The following FNTB variants were observed in gnomAD, a reference collection of about 807,000 sequenced individuals.
FNTB encodes the protein farnesyltransferase, CAAX box, subunit beta.
A neutral mutation model predicts 59.4 loss-of-function variants in FNTB; 27 were observed. The ratio of observed to expected loss-of-function variants is 0.45; its 90% CI spans 0.34 to 0.63. The LOEUF (loss-of-function observed/expected upper bound fraction) is 0.63. FNTB is among the 20% of genes least tolerant of loss of function. The probability of loss-of-function intolerance (pLI) is 0.02; values close to 1 mark genes in which losing one functional copy is unlikely to be tolerated. For synonymous variants in FNTB, 230 were observed against 220.7 expected, an observed-to-expected ratio of 1.04 and a Z score of -0.37; for missense variants, 449 against 559.6, an observed-to-expected ratio of 0.80 and a Z score of 1.99.
In FNTB at chr14:65,018,537, C is replaced by T. The variant is rs566478462; in HGVS notation, c.374+2821C>T. On this transcript the variant is annotated intron_variant, in intron 4 of 11. Transcript: ENST00000246166. ...TTTTATAAACTTTCTGGGCTGGGCACGGTGTCTCACACCTGTAATCCCAGG... is the reference window on the plus strand; with the variant it reads ...TTTTATAAACTTTCTGGGCTGGGCATGGTGTCTCACACCTGTAATCCCAGG... Among the ~76,000 whole-genome samples, 11 of 152,238 alleles carry T rather than the reference C, an allele frequency of 7.2e-5. No homozygotes were observed. The South Asian group carries it at 2.3e-3, about 32-fold the overall frequency.
At chr14:65,017,433 G>T (rs2061797128) in intron 4 of FNTB, among the ~76,000 whole-genome samples, 1 of 152,124 alleles carries the variant, frequency 6.6e-6, no homozygotes, top group Non-Finnish European at 1.5e-5. Flanking sequence ...TGAAAAACTG[G>T]AAGAGAGAAT....
intron 7 of FNTB, among the ~76,000 whole-genome samples, chr14:65,033,523 T>A (rs1378719857): frequency 1.3e-5 from 2 of 152,208 alleles, no homozygotes; most frequent in Non-Finnish European, 2.9e-5. Flanking sequence ...TTCTATATTT[T>A]GTTTGCTGTA....
At chr14:65,058,930 A>G (rs2062802113) in intron 11 of FNTB, among the ~76,000 whole-genome samples, 1 of 152,236 alleles carries the variant, frequency 6.6e-6, no homozygotes, top group South Asian at 2.1e-4. Flanking sequence ...TTGATCTAAA[A>G]TTTTATTGTA....
In FNTB at chr14:65,023,643, C is replaced by G. The variant is rs1340575837; in HGVS notation, c.375-3810C>G. On this transcript the variant is annotated intron_variant, in intron 4 of 11. Coordinates refer to ENST00000246166, the MANE Select transcript of FNTB (RefSeq NM_002028.4). The surrounding 1 kb of genome is among the most constrained non-coding windows in gnomAD (Gnocchi z 4.1). ...TAGTTGTGGAGTACTTGAAATGTGT[C>G]TTGTGTGACTGAAGAGCTGAATTTT... Among the ~76,000 whole-genome samples, 1 of 152,254 alleles carries G rather than the reference C, an allele frequency of 6.6e-6. No homozygotes were observed. The highest frequency in any genetic ancestry group is 6.5e-5 in the Admixed American group (1 of 15,294).
chr14:65,053,414 A>T, intron 10 of FNTB, 65 bp downstream of exon 10: 1 of 1,237,918 alleles, frequency 8.1e-7, no homozygotes, highest in Non-Finnish European at 1.0e-6. Context: ...CGTGCACCTC[A>T]GGCCTACTCA....
rs1363650216 is a variant in FNTB at position 65,053,354 on chromosome 14, G to A, written c.1067+5G>A. On this transcript the variant is annotated splice_donor_5th_base_variant and intron_variant, in intron 10 of 11. Transcript: ENST00000246166. ...GCTTCTGGATAAACCTGGCAAGTGA[G>A]TGTTTTCTCTCTGGGGAGGGAAGGG... is the stretch of plus-strand genomic sequence containing the variant. 1.4e-6 allele frequency: 2 copies of A among 1,418,920 alleles called. No homozygotes were observed. Among genetic ancestry groups the A allele is most frequent in the African/African-American group, 1.5e-5 (1 of 67,984 alleles). 87.9% of individuals were successfully genotyped at this position (1,418,920 alleles called of 1,614,324 possible).
At position 65,061,279 on chromosome 14, in the gene FNTB, G is replaced by C. The variant is rs763703014; in HGVS notation, c.1281G>C (p.Lys427Asn). The C allele has an allele frequency of 1.2e-6, 2 of 1,614,134 alleles. No individual in the cohort carries two copies. The highest frequency in any genetic ancestry group is 2.2e-5 in the East Asian group (1 of 44,884). The change falls in exon 12 of 12, where the codon AAG (lysine) becomes AAC (asparagine). Residue 427 changes from lysine (K) to asparagine (N), a missense_variant. Around this residue, in one of 2 missense-constraint regions of FNTB, gnomAD observed 337 missense variants for 479.1 expected, o/e 0.70. Transcript: ENST00000246166. ...CAGTCCCAGGTTTTGAGGAGCTTAA[G>C]GATGAGACATCGGCAGAGCCTGCAA... is the stretch of plus-strand genomic sequence containing the variant. ...QKPVPGFEELKDETSAEPATD is the reference protein window; with the variant it reads ...QKPVPGFEELNDETSAEPATD
intron 1 of FNTB, among the ~76,000 whole-genome samples, chr14:64,993,921 TCTCCA>T (rs1356069090): frequency 1.2e-4 from 18 of 152,072 alleles, no homozygotes; most frequent in African/African-American, 3.9e-4. Context: ...AGTGGTGCGA[TCTCCA>T]CTCACCGTAA....
chr14:65,046,468 AG>A (rs1318387610), intron 9 of FNTB, among the ~76,000 whole-genome samples: 2 of 152,338 alleles, frequency 1.3e-5, no homozygotes, highest in South Asian at 4.1e-4. Flanking sequence ...AAAGTCTTCC[AG>A]GGGGGCTGCT....
intron 7 of FNTB, among the ~76,000 whole-genome samples, chr14:65,034,748 T>C (rs2062152541): frequency 6.6e-6 from 1 of 152,240 alleles, no homozygotes; most frequent in African/African-American, 2.4e-5. Flanking sequence ...TTATAATGTC[T>C]GCTTTAAATT....
At chr14:65,006,618 G>A (rs1180608113) in intron 2 of FNTB, among the ~76,000 whole-genome samples, 2 of 152,164 alleles carry the variant, frequency 1.3e-5, no homozygotes, top group Admixed American at 6.5e-5. Context: ...TTGTACCCCC[G>A]ATGACTCACC....
At chr14:64,999,596 G>A (rs1888525191) in intron 1 of FNTB, among the ~76,000 whole-genome samples, 1 of 152,144 alleles carries the variant, frequency 6.6e-6, no homozygotes, top group Non-Finnish European at 1.5e-5. Context: ...TCATTGATTT[G>A]TGCAGTTTAA....
At chr14:65,043,483 C>G (rs974855583) in intron 8 of FNTB, among the ~76,000 whole-genome samples, 1 of 152,124 alleles carries the variant, frequency 6.6e-6, no homozygotes, top group Non-Finnish European at 1.5e-5. Flanking sequence ...GTAAATTTCC[C>G]CAGGTGCCAA....
At chr14:64,987,982 T>C (rs1888019075) in intron 1 of FNTB, among the ~76,000 whole-genome samples, 1 of 152,248 alleles carries the variant, frequency 6.6e-6, no homozygotes, top group Non-Finnish European at 1.5e-5. Flanking sequence ...TGCTGCTTAC[T>C]GAAATAAGAT....
rs1204443756 is a variant in FNTB at position 65,027,265 on chromosome 14, AATG to A, written c.375-182_375-180del. Reference sequence around the variant, plus strand: ...CGAAACTCAGAGGAGGGCAGACAGAAATGATGATAGCTGGAGAGAGAATTAAGC... The same window carrying A: ...CGAAACTCAGAGGAGGGCAGACAGAAATGATAGCTGGAGAGAGAATTAAGC... On this transcript the variant is annotated intron_variant, in intron 4 of 11. Transcript: ENST00000246166. This position sits in a 1 kb window ranked among gnomAD's most constrained non-coding sequence, Gnocchi z 5.7. The A allele has an allele frequency of 2.0e-5, 18 of 886,986 alleles. No homozygotes were observed. In the East Asian group the frequency reaches 4.8e-4, roughly 23 times the overall value. 54.9% of individuals were successfully genotyped at this position (886,986 alleles called of 1,614,324 possible). A position where few individuals can be genotyped will look rare whatever the true frequency, so the allele number is the denominator to read the frequency against.
rs112080300 is a variant in FNTB, at chr14:65,035,634, A to G, written c.692+2938A>G. 6.2e-3 allele frequency among the ~76,000 whole-genome samples: 906 copies of G among 145,196 alleles called. 11 individuals carry two copies. Among genetic ancestry groups the G allele is most frequent in the East Asian group, 0.042 (201 of 4,772 alleles). ...AGCCACCACCTCCTGGGCTCAAGCA[A>G]TCCTCCCATCTCAACCTCCTAAGTA... On this transcript the variant is annotated intron_variant, in intron 7 of 11. Coordinates refer to ENST00000246166, the MANE Select transcript of FNTB (RefSeq NM_002028.4).
intron 11 of FNTB, among the ~76,000 whole-genome samples, chr14:65,059,630 G>C (rs2062816004): frequency 6.6e-6 from 1 of 152,054 alleles, no homozygotes; most frequent in Admixed American, 6.5e-5. Context: ...CTCTCCTGCA[G>C]TTGTGTCCCC....
intron 1 of FNTB, among the ~76,000 whole-genome samples, chr14:64,995,094 A>G (rs2140039788): frequency 6.6e-6 from 1 of 152,324 alleles, no homozygotes; most frequent in South Asian, 2.1e-4. Context: ...TTTGTTAAAA[A>G]CCAAGACACA....
intron 1 of FNTB, among the ~76,000 whole-genome samples, chr14:65,000,145 C>T (rs556511318): frequency 2.0e-5 from 3 of 152,158 alleles, no homozygotes; most frequent in Non-Finnish European, 4.4e-5. Context: ...ATTATTAAGT[C>T]GTATGGATTT....
Sources: gnomAD v4.1 joint callset for allele counts (sites outside exome capture counted in the v4.1 genomes callset) on GRCh38, gnomAD v4.1.1 for gene constraint, gnomAD v4.1.1 regional missense constraint, Gnocchi (gnomAD v3.1) non-coding constraint, MANE v1.5 for transcripts, NCBI Gene and HGNC (gene_info 2026-07-23, HGNC 2026-07-21) for gene names.